The following GRID2 variants were observed in gnomAD, a reference collection of about 807,000 sequenced individuals.
The protein encoded by GRID2 is glutamate ionotropic receptor delta type subunit 2, also known as glutamate receptor ionotropic, delta-2.
Under a neutral mutation model 114.8 loss-of-function variants are expected in GRID2, and 33 were observed. The ratio of observed to expected loss-of-function variants is 0.29; its 90% confidence interval spans 0.22 to 0.38. GRID2 has a LOEUF of 0.38. Ranked by LOEUF, GRID2 falls within the 10% of genes least tolerant of loss-of-function variation. The probability of loss-of-function intolerance (pLI) is 1.00; values close to 1 mark genes in which losing one functional copy is unlikely to be tolerated. For synonymous variants in GRID2, 505 were observed against 449.9 expected (o/e 1.12, Z -1.55); for missense variants, 1,184 against 1,257.7 (o/e 0.94, Z 0.89).
At chr4:93,458,145 A>T (rs543219314) in intron 11 of GRID2, among the ~76,000 whole-genome samples, 1 of 152,188 alleles carries the variant, frequency 6.6e-6, no homozygotes, top group Non-Finnish European at 1.5e-5. Flanking sequence ...GGTGCCTGAT[A>T]AGGAGTGACT....
chr4:93,494,987 C>G (rs1036782333), intron 12 of GRID2, among the ~76,000 whole-genome samples: 7 of 151,660 alleles, frequency 4.6e-5, no homozygotes, highest in Admixed American at 4.6e-4. Context: ...GTGAAAATAG[C>G]TATGGGAAAA....
chr4:93,547,599 T>C (rs1436627693), intron 13 of GRID2, among the ~76,000 whole-genome samples: 1 of 152,214 alleles, frequency 6.6e-6, no homozygotes, highest in African/African-American at 2.4e-5. Context: ...ATCTCTAAGT[T>C]ACATTTCATA....
chr4:93,126,722 C>G (rs1282705461), intron 4 of GRID2, among the ~76,000 whole-genome samples: 2 of 149,222 alleles, frequency 1.3e-5, no homozygotes, highest in Middle Eastern at 3.5e-3. Flanking sequence ...CTCAGCCTCC[C>G]GAGTAGCTGG....
At chr4:92,800,361 C>A (rs972812939) in intron 2 of GRID2, among the ~76,000 whole-genome samples, 3 of 151,796 alleles carry the variant, frequency 2.0e-5, no homozygotes, top group African/African-American at 7.3e-5. Context: ...AGCAAAGCAA[C>A]TCGAAGAGGT....
chr4:93,133,319 G>A (rs1456209824), intron 4 of GRID2, among the ~76,000 whole-genome samples: 1 of 152,188 alleles, frequency 6.6e-6, no homozygotes, highest in Non-Finnish European at 1.5e-5. Context: ...TTTTTCCCAA[G>A]TGTCTTTTCA....
intron 4 of GRID2, among the ~76,000 whole-genome samples, chr4:93,202,731 T>TTATCTAC (rs1481977751): frequency 2.0e-5 from 3 of 150,482 alleles, no homozygotes; most frequent in Non-Finnish European, 4.4e-5. Context: ...TTGTCTTCTG[T>TTATCTAC]TATCTACACA....
At chr4:92,411,651 G>GTATATATATATATATATA (rs1365702947) in intron 1 of GRID2, among the ~76,000 whole-genome samples, 112 of 96,186 alleles carry the variant, frequency 1.2e-3, no homozygotes, top group East Asian at 1.9e-3. Flanking sequence ...GTGTGTGTGT[G>GTATATATATATATATATA]TGTGTATATA....
chr4:92,359,991 T>C (rs1728536388), intron 1 of GRID2, among the ~76,000 whole-genome samples: 1 of 152,040 alleles, frequency 6.6e-6, no homozygotes, highest in Admixed American at 6.6e-5. Context: ...GAATTGTATT[T>C]CTTTGTAAAC....
chr4:93,691,078 CTG>C (rs1360549738), intron 14 of GRID2, among the ~76,000 whole-genome samples: 16 of 151,258 alleles, frequency 1.1e-4, no homozygotes, highest in Non-Finnish European at 1.3e-4. Context: ...TTATAAAAAA[CTG>C]TGCAATAGCT....
intron 2 of GRID2, among the ~76,000 whole-genome samples, chr4:92,706,645 G>A (rs1734971571): frequency 6.6e-6 from 1 of 152,136 alleles, no homozygotes; most frequent in South Asian, 2.1e-4. Context: ...TAGAATACAT[G>A]CAAAATAAAG....
rs770186876 is a variant in GRID2 at position 92,411,653 on chromosome 4, G to GTATATATATATATA, written c.88+106910_88+106911insATATATATATATAT. ...TGTGTGTGTGTGTGTGTGTGTGTGT[G>GTATATATATATATA]TGTATATATATATATATATATATAT... On this transcript the variant is annotated intron_variant, in intron 1 of 15. Transcript: ENST00000282020. 2.7e-4 allele frequency among the ~76,000 whole-genome samples: 27 copies of GTATATATATATATA among 98,812 alleles called. No homozygotes were observed. In the East Asian group the frequency reaches 4.0e-3, roughly 15 times the overall value. The allele number at this position is 98,812 out of a possible 152,430, so 64.8% of individuals were successfully genotyped here. A position where few individuals can be genotyped will look rare whatever the true frequency, so the allele number is the denominator to read the frequency against.
intron 13 of GRID2, among the ~76,000 whole-genome samples, chr4:93,577,500 C>T (rs1223877825): frequency 6.6e-6 from 1 of 152,156 alleles, no homozygotes; most frequent in Non-Finnish European, 1.5e-5. Flanking sequence ...ATTGAAAATA[C>T]ATTGTCATGC....
intron 9 of GRID2, among the ~76,000 whole-genome samples, chr4:93,399,608 T>A (rs1440443067): frequency 6.6e-6 from 1 of 152,086 alleles, no homozygotes; most frequent in Admixed American, 6.6e-5. Flanking sequence ...GCATTATTAC[T>A]AGACAAAGCA....
At chr4:92,867,259 A>G (rs1351293533) in intron 2 of GRID2, among the ~76,000 whole-genome samples, 1 of 152,132 alleles carries the variant, frequency 6.6e-6, no homozygotes, top group African/African-American at 2.4e-5. Flanking sequence ...CCTAAGTGGT[A>G]GTTGAGCAGT....
intron 8 of GRID2, among the ~76,000 whole-genome samples, chr4:93,326,004 C>A (rs1043079752): frequency 1.3e-5 from 2 of 152,118 alleles, no homozygotes; most frequent in African/African-American, 4.8e-5. Context: ...CTTAAAACTT[C>A]TTTGGCTTGT....
intron 8 of GRID2, among the ~76,000 whole-genome samples, chr4:93,321,341 C>A (rs2149209181): frequency 6.6e-6 from 1 of 152,050 alleles, no homozygotes; most frequent in Non-Finnish European, 1.5e-5. Flanking sequence ...CTGATATCTA[C>A]AAATTTGTTC....
chr4:92,446,199 A>G (rs966599931), intron 1 of GRID2, among the ~76,000 whole-genome samples: 1 of 152,074 alleles, frequency 6.6e-6, no homozygotes, highest in Admixed American at 6.5e-5. Context: ...AGGCCACCTC[A>G]ACTTCCCAAA....
intron 8 of GRID2, chr4:93,258,868 T>G (rs911039451): frequency 6.6e-6 from 3 of 453,104 alleles, no homozygotes; most frequent in African/African-American, 6.0e-5. Context: ...GCAAGATTCA[T>G]TTATTATCCT....
intron 2 of GRID2, among the ~76,000 whole-genome samples, chr4:93,066,090 T>A (rs1480630090): frequency 1.3e-5 from 2 of 151,890 alleles, no homozygotes; most frequent in African/African-American, 2.4e-5. Context: ...CTAAAAAGCA[T>A]AGAACCAGAG....
Sources: allele counts gnomAD v4.1 joint callset (sites outside exome capture counted in the v4.1 genomes callset), GRCh38; gene constraint gnomAD v4.1.1; transcripts MANE v1.5; gene names NCBI Gene and HGNC (gene_info 2026-07-23, HGNC 2026-07-21).